Variants in SAMD5 observed in about 807,000 individuals in gnomAD.
The protein encoded by SAMD5 is sterile alpha motif domain containing 5.
Under a neutral mutation model 11.3 loss-of-function variants are expected in SAMD5, and 13 were observed. The observed-to-expected ratio is 1.15, with a 90% CI of 0.75 to 1.83. The LOEUF is 1.83. SAMD5 is among the 40% of genes most tolerant of loss of function. The probability of loss-of-function intolerance (pLI) is 0.00; values close to 1 mark genes in which losing one functional copy is unlikely to be tolerated. For synonymous variants in SAMD5, 129 were observed against 111.3 expected (o/e 1.16, Z -1.00); for missense variants, 255 against 239.1 (o/e 1.07, Z -0.44).
the SAMD5 span, among the ~76,000 whole-genome samples, chr6:147,784,690 G>T: frequency 6.6e-6 from 1 of 152,142 alleles, no homozygotes; most frequent in Admixed American, 6.5e-5. Context: ...CACAAGCCAA[G>T]TCCTTTCCAA....
At chr6:147,886,554 C>T in the SAMD5 span, among the ~76,000 whole-genome samples, 3 of 152,012 alleles carry the variant, frequency 2.0e-5, no homozygotes, top group East Asian at 1.9e-4. Flanking sequence ...TTCTAACCAA[C>T]GGAATAGGGC....
At chr6:147,815,907 G>A in the SAMD5 span, among the ~76,000 whole-genome samples, 6 of 152,056 alleles carry the variant, frequency 3.9e-5, no homozygotes, top group Admixed American at 3.9e-4. Flanking sequence ...CTTGATAGTG[G>A]ATTAAAACAA....
intron 1 of SAMD5, among the ~76,000 whole-genome samples, chr6:147,636,382 A>C (rs1463929081): frequency 6.6e-6 from 1 of 152,190 alleles, no homozygotes; most frequent in Non-Finnish European, 1.5e-5. Context: ...ATCCTCATCA[A>C]AAAATTTAGA....
At chr6:147,856,464 G>A in the SAMD5 span, among the ~76,000 whole-genome samples, 1 of 152,166 alleles carries the variant, frequency 6.6e-6, no homozygotes, top group Non-Finnish European at 1.5e-5. Flanking sequence ...AAAAAGTCAA[G>A]AAGTTACAAA....
chr6:147,509,261 C>G lies in SAMD5; in HGVS notation c.333C>G (p.Arg111=), dbSNP rs771852627. 1.3e-6 allele frequency: 2 copies of G among 1,540,910 alleles called. No individual in the cohort carries two copies. Among genetic ancestry groups the G allele is most frequent in the East Asian group, 2.7e-5 (1 of 37,270 alleles). ...GPAQGTRGDS[R]GHTTAPRSRE... is the part of the protein sequence containing the mutation. Reference sequence around the variant, plus strand: ...CCCAGGGCACCCGCGGGGACTCTCGCGGCCACACGACCGCCCCCCGCAGCA... The same window carrying G: ...CCCAGGGCACCCGCGGGGACTCTCGGGGCCACACGACCGCCCCCCGCAGCA... Residue 111 remains arginine, a synonymous_variant, in exon 1 of 2, where the codon CGC becomes CGG. Transcript: ENST00000367474.
At chr6:147,884,057 G>T in the SAMD5 span, among the ~76,000 whole-genome samples, 2 of 151,998 alleles carry the variant, frequency 1.3e-5, no homozygotes, top group African/African-American at 4.8e-5. Flanking sequence ...TTCTATAGTC[G>T]TTTTTGGGTT....
chr6:147,572,859 A>G (rs1269048894), downstream of SAMD5, among the ~76,000 whole-genome samples: 1 of 151,862 alleles, frequency 6.6e-6, no homozygotes, highest in South Asian at 2.1e-4. Flanking sequence ...CCTTTTGGAT[A>G]TATTTGATAT....
In SAMD5 at chr6:147,644,182, C is replaced by T. The variant is rs185342008; in HGVS notation, c.163-93135C>T. Among the ~76,000 whole-genome samples the T allele has an allele frequency of 4.0e-3, 601 of 151,772 alleles. 2 individuals carry two copies. The highest frequency in any genetic ancestry group is 0.014 in the African/African-American group (576 of 41,384). The stretch of plus-strand genomic sequence containing the variant: ...CCTAGAAGTGTCTGCTCCTGAAATG[C>T]TGCTCTAATTAGAAAACTGTTTTTA... On this transcript the variant is annotated intron_variant, in intron 1 of 1. Transcript: ENST00000566741.
the SAMD5 span, among the ~76,000 whole-genome samples, chr6:147,848,180 C>T: frequency 3.9e-5 from 6 of 152,132 alleles, no homozygotes; most frequent in East Asian, 3.9e-4. Flanking sequence ...AGCATTTACA[C>T]GATAAAACCC....
the SAMD5 span, among the ~76,000 whole-genome samples, chr6:147,885,376 C>T: frequency 4.7e-3 from 715 of 152,234 alleles, 8 homozygotes; most frequent in Middle Eastern, 0.017. Flanking sequence ...TTAGGACTTT[C>T]GCTTGATAAC....
chr6:147,862,919 T>C, the SAMD5 span, among the ~76,000 whole-genome samples: 1 of 152,192 alleles, frequency 6.6e-6, no homozygotes, highest in Non-Finnish European at 1.5e-5. Context: ...ATATAGAAAC[T>C]GCCCATTGTA....
intron 1 of SAMD5, among the ~76,000 whole-genome samples, chr6:147,546,962 G>T (rs1386881535): frequency 6.6e-6 from 1 of 152,018 alleles, no homozygotes; most frequent in East Asian, 1.9e-4. Flanking sequence ...GTAGTTGATG[G>T]CCTCACCTGA....
chr6:147,704,549 C>T (rs147385628), intron 1 of SAMD5, among the ~76,000 whole-genome samples: 78 of 151,156 alleles, frequency 5.2e-4, no homozygotes, highest in Admixed American at 1.2e-3. Flanking sequence ...ATTTCTGATG[C>T]AAATCAGAAA....
chr6:147,771,947 T>G, the SAMD5 span, among the ~76,000 whole-genome samples: 4 of 152,188 alleles, frequency 2.6e-5, no homozygotes, highest in African/African-American at 7.2e-5. Context: ...AAGTGCTCAA[T>G]AAACATTTAC....
At chr6:147,691,813 T>G (rs1791107421) in intron 1 of SAMD5, among the ~76,000 whole-genome samples, 1 of 152,000 alleles carries the variant, frequency 6.6e-6, no homozygotes, top group African/African-American at 2.4e-5. Context: ...CAGGAAGTTT[T>G]TCCAGTCTTA....
At chr6:147,689,422 G>A (rs1361691062) in intron 1 of SAMD5, among the ~76,000 whole-genome samples, 1 of 152,106 alleles carries the variant, frequency 6.6e-6, no homozygotes, top group Non-Finnish European at 1.5e-5. Context: ...ATCTCTCTGA[G>A]TATCATTATC....
intron 1 of SAMD5, among the ~76,000 whole-genome samples, chr6:147,623,926 G>A (rs551971120): frequency 6.6e-6 from 1 of 152,070 alleles, no homozygotes; most frequent in African/African-American, 2.4e-5. Flanking sequence ...CTCGAGTGCA[G>A]TGGTGCCATC....
rs936295151 is a variant in SAMD5 at position 147,566,301 on chromosome 6, CA to C, written c.*1848del. The C allele has an allele frequency of 2.1e-6, 2 of 971,542 alleles. No homozygotes were observed. The highest frequency in any genetic ancestry group is 9.5e-5 in the South Asian group (2 of 20,950). The allele number at this position is 971,542 out of a possible 1,614,324, so 60.2% of individuals were successfully genotyped here. A position where few individuals can be genotyped will look rare whatever the true frequency, so the allele number is the denominator to read the frequency against. On this transcript the variant is annotated 3_prime_UTR_variant, in exon 2 of 2. Coordinates refer to ENST00000367474, the MANE Select transcript of SAMD5 (RefSeq NM_001030060.3). ...TAACCTTTCATCTTTTTTTTTTTTC[CA>C]AATGAACTAGGGTCTTTAAAATTCC...
chr6:147,814,731 G>A, the SAMD5 span, among the ~76,000 whole-genome samples: 1 of 152,180 alleles, frequency 6.6e-6, no homozygotes, highest in African/African-American at 2.4e-5. Flanking sequence ...ACAATAATTT[G>A]CATGCCTAAA....
Sources: allele counts gnomAD v4.1 joint callset (sites outside exome capture counted in the v4.1 genomes callset), GRCh38; gene constraint gnomAD v4.1.1; transcripts MANE v1.5; gene names NCBI Gene and HGNC (gene_info 2026-07-23, HGNC 2026-07-21).